CNTN5: variants seen among roughly 807,000 people sequenced by gnomAD.
The protein encoded by CNTN5 is contactin 5, also known as contactin-5.
Under a neutral mutation model 129.1 loss-of-function variants are expected in CNTN5, and 77 were observed. The ratio of observed to expected loss-of-function variants is 0.60; its 90% CI spans 0.50 to 0.72. The LOEUF is 0.72. Ranked by LOEUF, CNTN5 falls within the 30% of genes least tolerant of loss-of-function variation. The pLI, the probability that CNTN5 is intolerant of heterozygous loss-of-function variation, is 0.00. For synonymous variants in CNTN5, 509 were observed against 465.6 expected, an observed-to-expected ratio of 1.09 and a Z score of -1.20; for missense variants, 1,478 against 1,328.8, an observed-to-expected ratio of 1.11 and a Z score of -1.75.
At chr11:99,453,814 C>A (rs781450790) in intron 2 of CNTN5, among the ~76,000 whole-genome samples, 17 of 152,188 alleles carry the variant, frequency 1.1e-4, no homozygotes, top group Middle Eastern at 3.4e-3. Flanking sequence ...TCGATATAAG[C>A]CAAGACTGCA....
rs78217644 is a variant in CNTN5, at chr11:99,170,338, A to C, written c.-210+149068A>C. On this transcript the variant is annotated intron_variant, in intron 1 of 24. Coordinates refer to ENST00000524871, the MANE Select transcript of CNTN5 (RefSeq NM_014361.4). ...TAATATACACAAAGGTCGCAGTCAG[A>C]TGTGTACCAAGGAAGGTTGAAAACC... 5.0e-3 allele frequency among the ~76,000 whole-genome samples: 768 copies of C among 152,272 alleles called. 9 individuals are homozygous for C. The highest frequency in any genetic ancestry group is 0.016 in the African/African-American group (667 of 41,548).
chr11:99,841,571 G>C (rs1591292402), intron 4 of CNTN5, among the ~76,000 whole-genome samples: 2 of 151,266 alleles, frequency 1.3e-5, no homozygotes, highest in African/African-American at 4.9e-5. Flanking sequence ...AGTATAATAA[G>C]AGTGAGAAAA....
chr11:100,064,033 C>T (rs1483122496), intron 10 of CNTN5, among the ~76,000 whole-genome samples: 1 of 152,098 alleles, frequency 6.6e-6, no homozygotes, highest in African/African-American at 2.4e-5. Context: ...ACCTGACTGG[C>T]AGTAGATATG....
chr11:100,199,440 A>G (rs1948722925), intron 15 of CNTN5, among the ~76,000 whole-genome samples: 1 of 151,766 alleles, frequency 6.6e-6, no homozygotes, highest in Non-Finnish European at 1.5e-5. Context: ...ACCGCCACAT[A>G]TTTGCTATAT....
chr11:99,108,085 A>G (rs1322105189), intron 1 of CNTN5, among the ~76,000 whole-genome samples: 1 of 152,108 alleles, frequency 6.6e-6, no homozygotes, highest in Non-Finnish European at 1.5e-5. Flanking sequence ...ATAATTTAAA[A>G]ATATAAGGTA....
intron 9 of CNTN5, among the ~76,000 whole-genome samples, chr11:100,015,154 C>A (rs935283937): frequency 1.3e-5 from 2 of 151,980 alleles, no homozygotes; most frequent in African/African-American, 4.8e-5. Flanking sequence ...AGGGGAAGCA[C>A]GAATAAACCA....
intron 21 of CNTN5, among the ~76,000 whole-genome samples, chr11:100,323,596 T>G (rs1431882792): frequency 1.3e-5 from 2 of 152,000 alleles, no homozygotes; most frequent in African/African-American, 2.4e-5. Context: ...CTGTAAGATC[T>G]GTGGGATATT....
intron 3 of CNTN5, among the ~76,000 whole-genome samples, chr11:99,743,704 G>T (rs566471701): frequency 1.3e-5 from 2 of 152,030 alleles, no homozygotes; most frequent in Non-Finnish European, 2.9e-5. Flanking sequence ...CTCTTAGTAC[G>T]TGTAAAAAGT....
At chr11:99,195,627 C>A (rs968844501) in intron 1 of CNTN5, among the ~76,000 whole-genome samples, 1 of 151,820 alleles carries the variant, frequency 6.6e-6, no homozygotes, top group South Asian at 2.1e-4. Flanking sequence ...CTAGGAATTA[C>A]CTATTAATAT....
chr11:100,224,156 G>A (rs571469673), intron 15 of CNTN5, among the ~76,000 whole-genome samples: 2 of 152,234 alleles, frequency 1.3e-5, no homozygotes, highest in East Asian at 3.9e-4. Flanking sequence ...GGAGGAATAT[G>A]TCTTTGTTAA....
intron 6 of CNTN5, among the ~76,000 whole-genome samples, chr11:99,914,282 A>G (rs1388049528): frequency 3.3e-5 from 5 of 152,004 alleles, no homozygotes; most frequent in African/African-American, 7.2e-5. Flanking sequence ...ACTATCTTGT[A>G]TTGTATTTCT....
At chr11:99,393,343 G>A (rs1388253068) in intron 2 of CNTN5, among the ~76,000 whole-genome samples, 1 of 151,774 alleles carries the variant, frequency 6.6e-6, no homozygotes. Context: ...GTAGGTTGGT[G>A]GTAAATTAAA....
chr11:100,250,843 A>G (rs1039712727), intron 16 of CNTN5, among the ~76,000 whole-genome samples: 2 of 152,170 alleles, frequency 1.3e-5, no homozygotes, highest in African/African-American at 2.4e-5. Flanking sequence ...GAACTTTAAT[A>G]CTCAGAGAGG....
chr11:100,248,644 A>C (rs1458720757), intron 16 of CNTN5, among the ~76,000 whole-genome samples: 1 of 152,224 alleles, frequency 6.6e-6, no homozygotes, highest in Non-Finnish European at 1.5e-5. Flanking sequence ...GTAATGTATA[A>C]CAATAGGTGT....
chr11:99,805,126 A>G (rs1946229380), intron 3 of CNTN5, among the ~76,000 whole-genome samples: 1 of 152,180 alleles, frequency 6.6e-6, no homozygotes, highest in Admixed American at 6.5e-5. Flanking sequence ...GGTTTGAAAG[A>G]ATAAGTGCAG....
intron 2 of CNTN5, among the ~76,000 whole-genome samples, chr11:99,432,508 C>CTT (rs1490608972): frequency 1.2e-5 from 1 of 83,254 alleles, no homozygotes; most frequent in African/African-American, 4.4e-5. Context: ...TCTTTTCTTT[C>CTT]TCTCTCTCTG....
At chr11:100,319,851 G>C (rs533719436) in intron 21 of CNTN5, among the ~76,000 whole-genome samples, 1 of 152,276 alleles carries the variant, frequency 6.6e-6, no homozygotes, top group South Asian at 2.1e-4. Flanking sequence ...ATGGTCTCCA[G>C]ATTCATTTAT....
At position 100,070,543 on chromosome 11, in the gene CNTN5, G is replaced by A. The variant is rs1192053305; in HGVS notation, c.1282G>A (p.Val428Ile). The A allele has an allele frequency of 1.9e-6, 3 of 1,612,998 alleles. No homozygotes were observed. Among genetic ancestry groups the A allele is most frequent in the Non-Finnish European group, 2.5e-6 (3 of 1,179,376 alleles). ...RPTYRWLKNG[V>I]PLSPQSRVEM... ...CACGTATCGTTGGCTGAAGAATGGA[G>A]TACCCCTCTCACCTCAGGTACTGTT... The change falls in exon 11 of 25, where the codon GTA becomes ATA. Residue 428 changes from valine (V) to isoleucine (I), a missense_variant. Coordinates refer to ENST00000524871, the MANE Select transcript of CNTN5 (RefSeq NM_014361.4).
At chr11:99,294,279 C>A (rs1395476224) in intron 1 of CNTN5, among the ~76,000 whole-genome samples, 1 of 152,010 alleles carries the variant, frequency 6.6e-6, no homozygotes, top group Non-Finnish European at 1.5e-5. Flanking sequence ...CTAAAGACAC[C>A]ACCAAATAAT....
Sources: gnomAD v4.1 joint callset for allele counts (sites outside exome capture counted in the v4.1 genomes callset) on GRCh38, gnomAD v4.1.1 for gene constraint, MANE v1.5 for transcripts, NCBI Gene and HGNC (gene_info 2026-07-23, HGNC 2026-07-21) for gene names.